Variants in AACS observed in about 807,000 individuals in gnomAD.
AACS encodes the protein acetoacetyl-CoA synthetase.
AACS carries 69 observed loss-of-function variants against 83.1 expected under a neutral mutation model. The ratio of observed to expected loss-of-function variants is 0.83; its 90% CI spans 0.68 to 1.01. The LOEUF is 1.01. Among genes scored for constraint, AACS ranks in the 50% least tolerant of loss-of-function variants. The probability of loss-of-function intolerance (pLI) is 0.00; values close to 1 mark genes in which losing one functional copy is unlikely to be tolerated. For synonymous variants in AACS, 333 were observed against 343.4 expected, an observed-to-expected ratio of 0.97 and a Z score of 0.33; for missense variants, 866 against 882.2, an observed-to-expected ratio of 0.98 and a Z score of 0.23.
intron 10 of AACS, 60 bp from the exon 11 acceptor site, chr12:125,124,645 A>G: frequency 6.3e-7 from 1 of 1,592,992 alleles, no homozygotes; most frequent in Non-Finnish European, 8.6e-7. Flanking sequence ...TAACTTTAGA[A>G]AGCTTTGGTG....
At chr12:125,110,428 G>GC (rs955251034) in intron 8 of AACS, among the ~76,000 whole-genome samples, 8 of 152,052 alleles carry the variant, frequency 5.3e-5, no homozygotes, top group Admixed American at 4.6e-4. Flanking sequence ...ATCCTCTTCT[G>GC]CCCCTGGGCT....
At chr12:125,076,632 C>T (rs966484916) in intron 3 of AACS, 21 bp downstream of exon 3, 3 of 1,613,286 alleles carry the variant, frequency 1.9e-6, no homozygotes, top group Non-Finnish European at 2.5e-6. Context: ...ATGGCGAGAC[C>T]TGGGATTTCC....
rs1956635271 is a variant in AACS at position 125,097,583 on chromosome 12, G to A, written c.571-5096G>A. ...AGTAGAGAGAAGCTTGGCTTGGTCT[G>A]CGCCTCCTCCCGTGCCTTCCGCAGT... On this transcript the variant is annotated intron_variant, in intron 5 of 17. Coordinates refer to ENST00000316519, the MANE Select transcript of AACS (RefSeq NM_023928.5). This position sits in a 1 kb window ranked among gnomAD's most constrained non-coding sequence, Gnocchi z 4.3. Among the ~76,000 whole-genome samples, 1 of 152,138 alleles carries A rather than the reference G, an allele frequency of 6.6e-6. No homozygotes were observed.
At chr12:125,132,305 C>G (rs1957339610) in intron 14 of AACS, among the ~76,000 whole-genome samples, 1 of 152,190 alleles carries the variant, frequency 6.6e-6, no homozygotes, top group African/African-American at 2.4e-5. Flanking sequence ...CTCTGCATTT[C>G]CGGGGTCTCA....
At chr12:125,082,947 T>C (rs190042903) in intron 3 of AACS, among the ~76,000 whole-genome samples, 2 of 152,364 alleles carry the variant, frequency 1.3e-5, no homozygotes, top group Admixed American at 1.3e-4. Context: ...TTCTATACTG[T>C]AGAAATTATC....
rs61175555 is a variant in AACS at position 125,130,250 on chromosome 12, G to A, written c.1549+790G>A. 0.018 allele frequency among the ~76,000 whole-genome samples: 2,782 copies of A among 152,354 alleles called. 88 individuals are homozygous for A. Among genetic ancestry groups the A allele is most frequent in the African/African-American group, 0.062 (2,596 of 41,576 alleles). ...GGTATCCTTCCTGCCTTGCGTGTTT[G>A]CGTTTCACCGTTAAAGCCATTGTGC... is the stretch of plus-strand genomic sequence containing the variant. On this transcript the variant is annotated intron_variant, in intron 14 of 17. Coordinates refer to ENST00000316519, the MANE Select transcript of AACS (RefSeq NM_023928.5). This position sits in a 1 kb window ranked among gnomAD's most constrained non-coding sequence, Gnocchi z 4.9.
chr12:125,071,585 GA>G (rs1955863161), intron 1 of AACS, among the ~76,000 whole-genome samples: 1 of 152,226 alleles, frequency 6.6e-6, no homozygotes, highest in Admixed American at 6.5e-5. Context: ...TGCACAGGCT[GA>G]ATCAGACCTG....
chr12:125,113,166 T>G lies in AACS; in HGVS notation c.916-1311T>G, dbSNP rs1424915339. Among the ~76,000 whole-genome samples, 1 of 152,218 alleles carries G rather than the reference T, an allele frequency of 6.6e-6. No individual in the cohort carries two copies. ...TTGGCTCCTGAATGGGAGCCTGTGT[T>G]GGATAGGATTGTTCCTGGTGAGCTC... On this transcript the variant is annotated intron_variant, in intron 8 of 17. Coordinates refer to ENST00000316519, the MANE Select transcript of AACS (RefSeq NM_023928.5). The surrounding 1 kb of genome is among the most constrained non-coding windows in gnomAD (Gnocchi z 4.8).
At chr12:125,105,459 C>A (rs1956813820) in intron 7 of AACS, 1 of 152,204 alleles carries the variant, frequency 6.6e-6, no homozygotes, top group African/African-American at 2.4e-5. Flanking sequence ...TTTCATGCAA[C>A]CTCGGATTTT....
At chr12:125,115,365 A>C (rs1030311827) in intron 9 of AACS, among the ~76,000 whole-genome samples, 3 of 150,426 alleles carry the variant, frequency 2.0e-5, no homozygotes, top group Non-Finnish European at 2.9e-5. Context: ...GGTTCAAGCG[A>C]TTCTTCTGCC....
chr12:125,077,074 A>ATTTTTTTTTT (rs36067220), intron 3 of AACS, among the ~76,000 whole-genome samples: 2 of 121,264 alleles, frequency 1.6e-5, no homozygotes, highest in African/African-American at 3.1e-5. Flanking sequence ...TGCATGGCTG[A>ATTTTTTTTTT]TTTTTTTTTT....
intron 3 of AACS, among the ~76,000 whole-genome samples, chr12:125,077,149 C>T (rs1447528458): frequency 1.3e-5 from 2 of 149,640 alleles, no homozygotes; most frequent in Non-Finnish European, 3.0e-5. Context: ...ATCTTGGGCT[C>T]AAGCAGTCCT....
Position 125,097,227 on chromosome 12 carries a change from A to G in AACS, c.571-5452A>G, listed in dbSNP as rs1018086544. 1.3e-5 allele frequency among the ~76,000 whole-genome samples: 2 copies of G among 151,668 alleles called. No homozygotes were observed. Among genetic ancestry groups the G allele is most frequent in the Non-Finnish European group, 2.9e-5 (2 of 67,942 alleles). ...CAACCACCTCTGTGTAGCAGTTTAG[A>G]GCAGAAGAAGAAGTAGTAGGAAATA... On this transcript the variant is annotated intron_variant, in intron 5 of 17. Transcript: ENST00000316519. This position sits in a 1 kb window ranked among gnomAD's most constrained non-coding sequence, Gnocchi z 4.3.
At chr12:125,069,919 C>T (rs1313971529) in intron 1 of AACS, among the ~76,000 whole-genome samples, 4 of 152,204 alleles carry the variant, frequency 2.6e-5, no homozygotes, top group Non-Finnish European at 5.9e-5. Context: ...GAGTACTGCA[C>T]TGTTGTATGA....
At position 125,125,013 on chromosome 12, in the gene AACS, G is replaced by A. The variant is rs1235933432; in HGVS notation, c.1298G>A (p.Gly433Asp). The A allele has an allele frequency of 1.2e-6, 2 of 1,614,112 alleles. No homozygotes were observed. The highest frequency in any genetic ancestry group is 1.1e-5 in the South Asian group (1 of 91,072). Residue 433 changes from glycine (G) to aspartate (D), a missense_variant, in exon 12 of 18, where the codon GGC becomes GAC. Transcript: ENST00000316519. ...TGCATCAAGAGCAGCATCCTCCTGG[G>A]CTCCATCTCAGGTATGGCCCCGGTG... The part of the protein sequence containing the change: ...YRCIKSSILL[G>D]SISGGTDIIS...
chr12:125,123,813 G>A (rs1052706142), intron 10 of AACS: 2 of 152,278 alleles, frequency 1.3e-5, no homozygotes, highest in African/African-American at 2.4e-5. Context: ...CATGTGAAGG[G>A]CCGCCTGGCT....
In AACS at chr12:125,077,989, C is replaced by T. The variant is rs113887304; in HGVS notation, c.358+1378C>T. 1,482 of 384,968 alleles carry T rather than the reference C, an allele frequency of 3.8e-3. 17 individuals are homozygous for T. Among genetic ancestry groups the T allele is most frequent in the African/African-American group, 0.02 (946 of 47,760 alleles). The allele number at this position is 384,968 out of a possible 1,614,324, so 23.8% of individuals were successfully genotyped here. A position where few individuals can be genotyped will look rare whatever the true frequency, so the allele number is the denominator to read the frequency against. ...CCTCCTAAAGTGCTGGGATTACAGG[C>T]GTGAGCCACCATGCCCGGCCCCAGT... On this transcript the variant is annotated intron_variant, in intron 3 of 17. Coordinates refer to ENST00000316519, the MANE Select transcript of AACS (RefSeq NM_023928.5).
At chr12:125,135,128 C>T (rs568199851) in intron 16 of AACS, among the ~76,000 whole-genome samples, 2 of 151,864 alleles carry the variant, frequency 1.3e-5, no homozygotes, top group East Asian at 3.9e-4. Context: ...TTACTTGTGT[C>T]TATCTACTCT....
intron 7 of AACS, among the ~76,000 whole-genome samples, chr12:125,106,573 A>G (rs1246825196): frequency 1.3e-5 from 2 of 152,130 alleles, no homozygotes; most frequent in South Asian, 2.1e-4. Flanking sequence ...TTGACCCCAC[A>G]TCTGTAGGAA....
Sources: allele counts gnomAD v4.1 joint callset (sites outside exome capture counted in the v4.1 genomes callset), GRCh38; gene constraint gnomAD v4.1.1; non-coding constraint Gnocchi (gnomAD v3.1); transcripts MANE v1.5; gene names NCBI Gene and HGNC (gene_info 2026-07-23, HGNC 2026-07-21).